TNKS: variants seen among roughly 807,000 people sequenced by gnomAD.
TNKS encodes the protein poly [ADP-ribose] polymerase tankyrase-1.
A neutral mutation model predicts 135.8 loss-of-function variants in TNKS; 72 were observed. That is an observed-to-expected ratio of 0.53 (90% CI 0.44 to 0.64). The LOEUF (loss-of-function observed/expected upper bound fraction) is 0.64, where lower values mean the gene tolerates loss of function less well. TNKS is among the 30% of genes least tolerant of loss of function. The probability of loss-of-function intolerance (pLI) is 0.00; values close to 1 mark genes in which losing one functional copy is unlikely to be tolerated. For synonymous variants in TNKS, 849 were observed against 649.3 expected, an observed-to-expected ratio of 1.31 and a Z score of -4.68; for missense variants, 1,769 against 1,674.0, an observed-to-expected ratio of 1.06 and a Z score of -0.99.
chr8:9,636,409 T>C (rs1177909407), intron 3 of TNKS, among the ~76,000 whole-genome samples: 1 of 152,200 alleles, frequency 6.6e-6, no homozygotes, highest in East Asian at 1.9e-4. Flanking sequence ...TTTTTTGAAT[T>C]ATTAGTGTTT....
intron 17 of TNKS, among the ~76,000 whole-genome samples, chr8:9,740,241 T>C (rs1403909296): frequency 6.6e-6 from 1 of 152,148 alleles, no homozygotes; most frequent in Non-Finnish European, 1.5e-5. Flanking sequence ...GCTCATGTGC[T>C]TGACAGTTCA....
intron 1 of TNKS, among the ~76,000 whole-genome samples, chr8:9,566,801 G>C (rs372773099): frequency 6.6e-6 from 1 of 151,062 alleles, no homozygotes; most frequent in African/African-American, 2.4e-5. Context: ...GTAGAGACGG[G>C]GTTTCACCTT....
chr8:9,715,036 C>T lies in TNKS; in HGVS notation c.1749+4816C>T, dbSNP rs973177343. Among the ~76,000 whole-genome samples the T allele has an allele frequency of 6.6e-5, 10 of 151,890 alleles. No homozygotes were observed. The East Asian group carries it at 9.7e-4, about 15-fold the overall frequency. On this transcript the variant is annotated intron_variant, in intron 11 of 26. Transcript: ENST00000310430. ...TTGAGGATTGCCCATGTTTATAGAG[C>T]GGTGGTGGGAAGAGAAAGCTGGAAG...
At chr8:9,748,853 TG>T (rs1350157286) in intron 18 of TNKS, among the ~76,000 whole-genome samples, 1 of 152,210 alleles carries the variant, frequency 6.6e-6, no homozygotes, top group African/African-American at 2.4e-5. Flanking sequence ...TGGTCTTACC[TG>T]GGGTCACTTG....
chr8:9,703,003 G>A (rs1406317290), intron 5 of TNKS, among the ~76,000 whole-genome samples: 1 of 152,158 alleles, frequency 6.6e-6, no homozygotes, highest in Non-Finnish European at 1.5e-5. Flanking sequence ...GCAACAGAGT[G>A]AGATTCCATC....
chr8:9,576,566 T>C (rs1797956365), intron 1 of TNKS, among the ~76,000 whole-genome samples: 2 of 151,072 alleles, frequency 1.3e-5, no homozygotes. Context: ...CACCTCCCTG[T>C]TGCCACCTAC....
At chr8:9,577,147 A>C (rs1159730132) in intron 1 of TNKS, among the ~76,000 whole-genome samples, 1 of 151,506 alleles carries the variant, frequency 6.6e-6, no homozygotes, top group Non-Finnish European at 1.5e-5. Flanking sequence ...AAGCTTTTAA[A>C]TGTGCACGGA....
Position 9,706,880 on chromosome 8 carries a change from C to T in TNKS, c.1339C>T (p.Arg447Cys), listed in dbSNP as rs1804072667. ...TPLHEAASKN[R>C]VEVCSLLLSH... Reference sequence around the variant, plus strand: ...ACTGCACGAGGCTGCTTCCAAGAACCGTGTAGAAGTCTGCTCTTTGTTACT... The same window carrying T: ...ACTGCACGAGGCTGCTTCCAAGAACTGTGTAGAAGTCTGCTCTTTGTTACT... The change falls in exon 8 of 27, where the codon CGT becomes TGT. Residue 447 changes from arginine to cysteine, a missense_variant. By Grantham distance (180) the Arg-to-Cys change is radical (BLOSUM62 -3). Transcript: ENST00000310430. 1 of 1,613,918 alleles carries T rather than the reference C, an allele frequency of 6.2e-7. No individual in the cohort carries two copies. Among genetic ancestry groups the T allele is most frequent in the Non-Finnish European group, 8.5e-7 (1 of 1,179,932 alleles).
intron 11 of TNKS, among the ~76,000 whole-genome samples, chr8:9,710,931 A>G (rs1804299321): frequency 6.6e-6 from 1 of 152,066 alleles, no homozygotes; most frequent in Non-Finnish European, 1.5e-5. Flanking sequence ...ATTTGTAATA[A>G]TTTTCTCAAC....
chr8:9,751,996 T>C, intron 19 of TNKS, 150 bp downstream of exon 19: 1 of 714,882 alleles, frequency 1.4e-6, no homozygotes, highest in Non-Finnish European at 2.3e-6. Context: ...AAATATTTCT[T>C]CATAGAAGGC....
intron 20 of TNKS, among the ~76,000 whole-genome samples, chr8:9,758,179 G>A (rs1377951549): frequency 6.6e-6 from 1 of 152,194 alleles, no homozygotes; most frequent in Non-Finnish European, 1.5e-5. Flanking sequence ...TAAATAAAGT[G>A]CTCGGAACTG....
intron 5 of TNKS, among the ~76,000 whole-genome samples, chr8:9,688,876 G>A (rs1389399885): frequency 2.0e-5 from 3 of 152,152 alleles, no homozygotes; most frequent in Admixed American, 6.5e-5. Context: ...CCTGACCTCA[G>A]GTGATCCACC....
Position 9,720,419 on chromosome 8 carries a change from G to T in TNKS, c.1795G>T (p.Ala599Ser). The T allele has an allele frequency of 6.2e-7, 1 of 1,613,890 alleles. No homozygotes were observed. The highest frequency in any genetic ancestry group is 1.1e-5 in the South Asian group (1 of 91,056). ...TLGQTALHRAALAGHLQTCRL... is the reference protein window; with the variant it reads ...TLGQTALHRASLAGHLQTCRL... ...TGGTCAGACTGCTTTGCATAGAGCC[G>T]CCCTAGCAGGTCACCTGCAGACCTG... is the stretch of plus-strand genomic sequence containing the variant. The change falls in exon 12 of 27, where the codon GCC becomes TCC. Residue 599 changes from alanine (A) to serine (S), a missense_variant. Transcript: ENST00000310430.
chr8:9,628,707 C>T (rs1284387875), intron 3 of TNKS, among the ~76,000 whole-genome samples: 2 of 152,104 alleles, frequency 1.3e-5, no homozygotes, highest in East Asian at 3.9e-4. Flanking sequence ...TCGTTCAGAC[C>T]TCCTACCTTC....
At chr8:9,577,783 C>T (rs1798009557) in intron 1 of TNKS, among the ~76,000 whole-genome samples, 1 of 152,188 alleles carries the variant, frequency 6.6e-6, no homozygotes, top group African/African-American at 2.4e-5. Context: ...TTTCAAAATA[C>T]AATCATGCCT....
At position 9,729,771 on chromosome 8, in the gene TNKS, C is replaced by CTTTTTTT. The variant is rs763357075; in HGVS notation, c.2002-1104_2002-1098dup. ...TTCCTCACTGAAAGAATATGATATT[C>CTTTTTTT]TTTTTTTTTTTTTTTTTTTTTGAGA... On this transcript the variant is annotated intron_variant, in intron 13 of 26. Transcript: ENST00000310430. Among the ~76,000 whole-genome samples the CTTTTTTT allele has an allele frequency of 1.0e-3, 99 of 94,994 alleles. 2 individuals carry two copies. The highest frequency in any genetic ancestry group is 0.011 in the Middle Eastern group (1 of 90). The allele number at this position is 94,994 out of a possible 152,430, so 62.3% of individuals were successfully genotyped here.
At chr8:9,618,402 A>C (rs1008674927) in intron 3 of TNKS, among the ~76,000 whole-genome samples, 1 of 152,230 alleles carries the variant, frequency 6.6e-6, no homozygotes, top group Non-Finnish European at 1.5e-5. Flanking sequence ...ACACTTGGAT[A>C]TTTAAATGAG....
chr8:9,557,544 G>A (rs1469106724), intron 1 of TNKS: 1 of 151,686 alleles, frequency 6.6e-6, no homozygotes, highest in Non-Finnish European at 1.5e-5. Flanking sequence ...TAAAAATGTA[G>A]GTAATAATGT....
At chr8:9,649,834 C>A (rs1311002755) in intron 3 of TNKS, among the ~76,000 whole-genome samples, 1 of 150,050 alleles carries the variant, frequency 6.7e-6, no homozygotes, top group Non-Finnish European at 1.5e-5. Context: ...TACTAGTATT[C>A]CATGGTGTAT....
Sources: allele counts gnomAD v4.1 joint callset (sites outside exome capture counted in the v4.1 genomes callset), GRCh38; gene constraint gnomAD v4.1.1; transcripts MANE v1.5; gene names NCBI Gene and HGNC (gene_info 2026-07-23, HGNC 2026-07-21).